Variants in UMAD1 observed in about 807,000 individuals in gnomAD.
UMAD1 encodes UBAP1-MVB12-associated (UMA) domain containing 1.
In UMAD1, 8 loss-of-function variants were observed where a neutral mutation model predicts 6.1. The ratio of observed to expected loss-of-function variants is 1.30; its 90% CI spans 0.76 to 2.35. The LOEUF is 2.35. Ranked by LOEUF, UMAD1 falls within the 30% of genes most tolerant of loss-of-function variation. The probability of loss-of-function intolerance (pLI) is 0.00; values close to 1 mark genes in which losing one functional copy is unlikely to be tolerated. For missense variants in UMAD1, 130 were observed against 78.4 expected (o/e 1.66, Z -2.49); for synonymous variants, 56 against 31.4 (o/e 1.78, Z -2.61).
At chr7:7,729,975 T>TTAG (rs1781215531) in intron 2 of UMAD1, among the ~76,000 whole-genome samples, 1 of 152,244 alleles carries the variant, frequency 6.6e-6, no homozygotes, top group Non-Finnish European at 1.5e-5. Context: ...CTGGAGCCTA[T>TTAG]GGTCAATAGT....
rs1780901046 is a variant in UMAD1 at position 7,716,286 on chromosome 7, G to GA, written c.82+42838dup. The stretch of plus-strand genomic sequence containing the variant: ...ACAACATGGGAAGGAACAATGCCAA[G>GA]AAAAATTGTATTTATTCTTATAACT... On this transcript the variant is annotated intron_variant, in intron 2 of 3. Transcript: ENST00000682710. Among the ~76,000 whole-genome samples, 4 of 152,268 alleles carry GA rather than the reference G, an allele frequency of 2.6e-5. No individual in the cohort carries two copies. The South Asian group carries it at 8.3e-4, about 32-fold the overall frequency.
chr7:7,872,644 C>T (rs924462651), intron 3 of UMAD1, among the ~76,000 whole-genome samples: 6 of 152,166 alleles, frequency 3.9e-5, no homozygotes, highest in Admixed American at 3.3e-4. Context: ...TTACTTGATG[C>T]AGGGTTGCCA....
At chr7:7,813,642 T>C (rs1213260688) in intron 3 of UMAD1, among the ~76,000 whole-genome samples, 1 of 152,354 alleles carries the variant, frequency 6.6e-6, no homozygotes, top group South Asian at 2.1e-4. Flanking sequence ...ACTTTTTAGC[T>C]GAGAAGTTGG....
At chr7:7,853,162 A>T (rs545294567) in intron 3 of UMAD1, among the ~76,000 whole-genome samples, 1 of 152,332 alleles carries the variant, frequency 6.6e-6, no homozygotes, top group Admixed American at 6.5e-5. Flanking sequence ...ATCACACAGG[A>T]CATTTAATCG....
chr7:7,865,478 TGGA>T (rs921465684), intron 3 of UMAD1, among the ~76,000 whole-genome samples: 7 of 152,066 alleles, frequency 4.6e-5, no homozygotes, highest in African/African-American at 1.7e-4. Context: ...GAATAAGGGG[TGGA>T]GGAGAAGGCC....
In UMAD1 at chr7:7,741,946, A is replaced by G. The variant is rs919594676; in HGVS notation, c.83-59724A>G. ...AGCGTAATAAAATCAATCGTTTTATAGTTATAGTGTTGAAAAAATATTTCT... is the reference window on the plus strand; with the variant it reads ...AGCGTAATAAAATCAATCGTTTTATGGTTATAGTGTTGAAAAAATATTTCT... On this transcript the variant is annotated intron_variant, in intron 2 of 3. Transcript: ENST00000682710. The G allele has an allele frequency of 5.4e-5, 13 of 239,704 alleles. No homozygotes were observed. The East Asian group carries it at 1.2e-3, about 22-fold the overall frequency. 14.8% of individuals were successfully genotyped at this position (239,704 alleles called of 1,614,324 possible). A position where few individuals can be genotyped will look rare whatever the true frequency, so the allele number is the denominator to read the frequency against.
intron 2 of UMAD1, among the ~76,000 whole-genome samples, chr7:7,701,983 G>C (rs1285638041): frequency 6.6e-6 from 1 of 152,148 alleles, no homozygotes; most frequent in Admixed American, 6.6e-5. Context: ...TTCCAAATAA[G>C]AGTGGCTCAT....
intron 3 of UMAD1, among the ~76,000 whole-genome samples, chr7:7,845,838 T>C (rs1026999483): frequency 5.3e-5 from 8 of 152,164 alleles, no homozygotes; most frequent in South Asian, 2.1e-4. Context: ...CAAATTTTTA[T>C]TGGGTATCTT....
At chr7:7,688,969 A>G (rs935506328) in intron 2 of UMAD1, among the ~76,000 whole-genome samples, 39 of 152,152 alleles carry the variant, frequency 2.6e-4, no homozygotes, top group Admixed American at 6.6e-5. Flanking sequence ...TACTTACTTT[A>G]TTTAGTTATA....
intron 1 of UMAD1, among the ~76,000 whole-genome samples, chr7:7,649,362 C>A (rs1426596026): frequency 6.6e-6 from 1 of 151,974 alleles, no homozygotes; most frequent in Non-Finnish European, 1.5e-5. Flanking sequence ...AAACTACTCC[C>A]CCAATAACTT....
chr7:7,705,073 T>G (rs1392105707), intron 2 of UMAD1, among the ~76,000 whole-genome samples: 1 of 152,168 alleles, frequency 6.6e-6, no homozygotes, highest in Non-Finnish European at 1.5e-5. Flanking sequence ...CTGGCATTGT[T>G]ATTATTCTGA....
intron 2 of UMAD1, among the ~76,000 whole-genome samples, chr7:7,727,644 AC>A (rs1383621539): frequency 6.6e-6 from 1 of 152,120 alleles, no homozygotes; most frequent in African/African-American, 2.4e-5. Context: ...CTGGGTGAAC[AC>A]CCTCTAATCA....
chr7:7,809,781 T>G (rs1303212767), intron 3 of UMAD1, among the ~76,000 whole-genome samples: 1 of 152,056 alleles, frequency 6.6e-6, no homozygotes, highest in Non-Finnish European at 1.5e-5. Flanking sequence ...ATGTTCACTC[T>G]TCTTCTGATG....
At chr7:7,864,799 C>G (rs1282786699) in intron 3 of UMAD1, among the ~76,000 whole-genome samples, 1 of 152,054 alleles carries the variant, frequency 6.6e-6, no homozygotes, top group Non-Finnish European at 1.5e-5. Flanking sequence ...GCCAGAGGAA[C>G]CAACCATGTA....
At chr7:7,722,681 T>TA (rs1192791649) in intron 2 of UMAD1, among the ~76,000 whole-genome samples, 1 of 152,174 alleles carries the variant, frequency 6.6e-6, no homozygotes, top group African/African-American at 2.4e-5. Context: ...GTGAGAGTCT[T>TA]ACCTCCTGTA....
chr7:7,860,636 A>G (rs1364275955), intron 3 of UMAD1, among the ~76,000 whole-genome samples: 2 of 149,284 alleles, frequency 1.3e-5, no homozygotes, highest in Non-Finnish European at 3.0e-5. Flanking sequence ...ATTAGCAGGC[A>G]TGGTGGCGGG....
intron 3 of UMAD1, among the ~76,000 whole-genome samples, chr7:7,826,636 T>C (rs1783347169): frequency 6.6e-6 from 1 of 152,148 alleles, no homozygotes; most frequent in South Asian, 2.1e-4. Flanking sequence ...TGCCTCTAGA[T>C]TACAAGATGG....
rs1170307529 is a variant in UMAD1 at position 7,847,104 on chromosome 7, AATATATATATATATATATATAT to A, written c.157-30148_157-30127del. Among the ~76,000 whole-genome samples the A allele has an allele frequency of 1.7e-3, 11 of 6,622 alleles. 1 individual carries two copies. Among genetic ancestry groups the A allele is most frequent in the African/African-American group, 3.2e-3 (4 of 1,240 alleles). The allele number at this position is 6,622 out of a possible 152,430, so 4.3% of individuals were successfully genotyped here. On this transcript the variant is annotated intron_variant, in intron 3 of 3. Transcript: ENST00000682710. ...CAGCAATGCAAAAAAAAAAAAAAAA[AATATATATATATATATATATAT>A]ATATATATATATATATATATATATA...
chr7:7,697,416 C>T (rs1201873106), intron 2 of UMAD1, among the ~76,000 whole-genome samples: 3 of 152,066 alleles, frequency 2.0e-5, no homozygotes, highest in Admixed American at 6.6e-5. Flanking sequence ...TATTTCATTT[C>T]CTGTAAGTTA....
Sources: gnomAD v4.1 joint callset for allele counts (sites outside exome capture counted in the v4.1 genomes callset) on GRCh38, gnomAD v4.1.1 for gene constraint, MANE v1.5 for transcripts, NCBI Gene and HGNC (gene_info 2026-07-23, HGNC 2026-07-21) for gene names.